The following VAT1L variants were observed in gnomAD, a reference collection of about 807,000 sequenced individuals.
VAT1L encodes the protein putative NADPH-dependent quinone oxidoreductase VAT1L.
In VAT1L, 34 loss-of-function variants were observed where a neutral mutation model predicts 44.1. The ratio of observed to expected loss-of-function variants is 0.77; its 90% confidence interval spans 0.59 to 1.03. The LOEUF is 1.03. Ranked by LOEUF, VAT1L falls within the 50% of genes least tolerant of loss-of-function variation. VAT1L has a pLI of 0.00. For missense variants in VAT1L, 615 were observed against 538.8 expected, an observed-to-expected ratio of 1.14 and a Z score of -1.40; for synonymous variants, 253 against 202.2, an observed-to-expected ratio of 1.25 and a Z score of -2.13.
intron 7 of VAT1L, among the ~76,000 whole-genome samples, chr16:77,971,288 A>C (rs190598131): frequency 1.5e-3 from 233 of 152,300 alleles, no homozygotes; most frequent in African/African-American, 5.4e-3. Flanking sequence ...ATTTGAAAAG[A>C]AACAGGAGGC....
At chr16:77,908,140 G>A (rs1339449567) in intron 7 of VAT1L, among the ~76,000 whole-genome samples, 1 of 151,908 alleles carries the variant, frequency 6.6e-6, no homozygotes, top group Admixed American at 6.6e-5. Flanking sequence ...TCGGGAGGGT[G>A]AGGCAGGAGA....
At chr16:77,876,078 G>A (rs1377248897) in intron 4 of VAT1L, among the ~76,000 whole-genome samples, 1 of 152,202 alleles carries the variant, frequency 6.6e-6, no homozygotes, top group East Asian at 1.9e-4. Flanking sequence ...GAGTAAAGGA[G>A]CTAGACACAA....
chr16:77,893,573 C>G (rs375429933), intron 7 of VAT1L, among the ~76,000 whole-genome samples: 1 of 152,214 alleles, frequency 6.6e-6, no homozygotes, highest in South Asian at 2.1e-4. Flanking sequence ...ATTACTACTA[C>G]GACTGCTACT....
chr16:77,939,151 G>A (rs1158931415), intron 7 of VAT1L, among the ~76,000 whole-genome samples: 3 of 152,162 alleles, frequency 2.0e-5, no homozygotes, highest in Non-Finnish European at 4.4e-5. Flanking sequence ...TAGCTAAACA[G>A]AATTCGTGAC....
At chr16:77,961,824 G>T (rs1038574571) in intron 7 of VAT1L, among the ~76,000 whole-genome samples, 2 of 152,216 alleles carry the variant, frequency 1.3e-5, no homozygotes, top group African/African-American at 4.8e-5. Context: ...GATCTTAGGT[G>T]AAACACTTAG....
chr16:77,890,002 G>A (rs537389387), intron 7 of VAT1L, among the ~76,000 whole-genome samples: 8 of 152,216 alleles, frequency 5.3e-5, no homozygotes, highest in African/African-American at 1.2e-4. Context: ...CAGGAGAATC[G>A]CTTGAACCCG....
In VAT1L at chr16:77,971,563, C is replaced by T. The variant is rs548853622; in HGVS notation, c.1078-287C>T. Among the ~76,000 whole-genome samples, 350 of 152,260 alleles carry T rather than the reference C, an allele frequency of 2.3e-3. 1 individual carries two copies. The highest frequency in any genetic ancestry group is 4.4e-3 in the Non-Finnish European group (301 of 67,992). ...ACCCTGCAGCACATAATTCTGAGAA[C>T]TCCAGAGAACCTTCCCCCACCCTTT... On this transcript the variant is annotated intron_variant, in intron 7 of 8. Coordinates refer to ENST00000302536, the MANE Select transcript of VAT1L (RefSeq NM_020927.3).
intron 2 of VAT1L, among the ~76,000 whole-genome samples, chr16:77,818,499 T>C (rs558734310): frequency 1.5e-4 from 23 of 152,164 alleles, no homozygotes; most frequent in Non-Finnish European, 2.8e-4. Context: ...AGAAATATTA[T>C]CTTCTCTTCA....
At chr16:77,874,913 T>G (rs1409356500) in intron 4 of VAT1L, among the ~76,000 whole-genome samples, 1 of 147,948 alleles carries the variant, frequency 6.8e-6, no homozygotes, top group Non-Finnish European at 1.5e-5. Flanking sequence ...TCTCAGAGCG[T>G]GGAGCTGGAA....
chr16:77,943,731 T>G (rs978893347), intron 7 of VAT1L, among the ~76,000 whole-genome samples: 8 of 152,232 alleles, frequency 5.3e-5, no homozygotes, highest in South Asian at 2.1e-4. Context: ...AGCCCTAGCA[T>G]TCACTAGCTG....
At position 77,900,556 on chromosome 16, in the gene VAT1L, G is replaced by A. The variant is rs544074718; in HGVS notation, c.1077+15754G>A. ...CTAAAAATACAAAAATTAGCTGGGCGTGGTGGTAGCTGCCTGTAGTCCCAG... is the reference window on the plus strand; with the variant it reads ...CTAAAAATACAAAAATTAGCTGGGCATGGTGGTAGCTGCCTGTAGTCCCAG... On this transcript the variant is annotated intron_variant, in intron 7 of 8. Transcript: ENST00000302536. 1.3e-3 allele frequency among the ~76,000 whole-genome samples: 200 copies of A among 151,900 alleles called. 1 individual carries two copies. The highest frequency in any genetic ancestry group is 4.0e-3 in the African/African-American group (167 of 41,412).
chr16:77,887,449 A>T (rs1169676140), intron 7 of VAT1L, among the ~76,000 whole-genome samples: 1 of 152,166 alleles, frequency 6.6e-6, no homozygotes, highest in Non-Finnish European at 1.5e-5. Context: ...CCAGCTAAGG[A>T]ATAGGAAAAG....
At chr16:77,791,676 C>G (rs1449410326) in intron 1 of VAT1L, among the ~76,000 whole-genome samples, 1 of 152,166 alleles carries the variant, frequency 6.6e-6, no homozygotes, top group Non-Finnish European at 1.5e-5. Context: ...CATGCAGTCT[C>G]ACTTTCTTTC....
chr16:77,814,625 T>C (rs542416957), intron 1 of VAT1L, among the ~76,000 whole-genome samples: 2 of 152,278 alleles, frequency 1.3e-5, no homozygotes, highest in East Asian at 3.9e-4. Context: ...AACAGGGCCT[T>C]GGGAAATCAT....
intron 2 of VAT1L, among the ~76,000 whole-genome samples, chr16:77,819,112 A>G (rs1294177366): frequency 1.3e-5 from 2 of 151,958 alleles, no homozygotes; most frequent in East Asian, 1.9e-4. Context: ...CATATTTGCT[A>G]TTTTGATAAT....
chr16:77,901,065 C>A (rs1039021320), intron 7 of VAT1L, among the ~76,000 whole-genome samples: 1 of 150,240 alleles, frequency 6.7e-6, no homozygotes, highest in Admixed American at 6.6e-5. Flanking sequence ...GGAGAAGACA[C>A]AGCAAGTGAT....
intron 7 of VAT1L, among the ~76,000 whole-genome samples, chr16:77,965,244 A>G (rs1315040921): frequency 6.6e-6 from 1 of 152,210 alleles, no homozygotes; most frequent in Non-Finnish European, 1.5e-5. Context: ...GAATGAATGA[A>G]TGAGTGAACG....
At chr16:77,803,053 T>A (rs935087299) in intron 1 of VAT1L, among the ~76,000 whole-genome samples, 1 of 152,122 alleles carries the variant, frequency 6.6e-6, no homozygotes, top group Admixed American at 6.6e-5. Context: ...GTGCAGAAAT[T>A]ATTGTTTGCC....
intron 7 of VAT1L, among the ~76,000 whole-genome samples, chr16:77,950,706 A>C (rs2018032375): frequency 6.6e-6 from 1 of 152,134 alleles, no homozygotes; most frequent in African/African-American, 2.4e-5. Context: ...TTTGCTTTTA[A>C]ATATTGAATA....
Sources: gnomAD v4.1 joint callset for allele counts (sites outside exome capture counted in the v4.1 genomes callset) on GRCh38, gnomAD v4.1.1 for gene constraint, MANE v1.5 for transcripts, NCBI Gene and HGNC (gene_info 2026-07-23, HGNC 2026-07-21) for gene names.